The following KIF3A variants were observed in gnomAD, a reference collection of about 807,000 sequenced individuals.
KIF3A encodes kinesin family member 3A.
KIF3A carries 27 observed loss-of-function variants against 92.6 expected under a neutral mutation model. The observed-to-expected ratio is 0.29, with a 90% CI of 0.21 to 0.40. The LOEUF (loss-of-function observed/expected upper bound fraction) is 0.40, where lower values mean the gene tolerates loss of function less well. Among genes scored for constraint, KIF3A ranks in the 10% least tolerant of loss-of-function variants. The pLI is 1.00. For missense variants in KIF3A, 581 were observed against 872.6 expected, an observed-to-expected ratio of 0.67 and a Z score of 4.21; for synonymous variants, 250 against 275.4, an observed-to-expected ratio of 0.91 and a Z score of 0.92.
Position 132,706,447 on chromosome 5 carries a change from C to G in KIF3A, c.1309+4G>C. The G allele has an allele frequency of 6.5e-7, 1 of 1,541,548 alleles. No individual in the cohort carries two copies. Among genetic ancestry groups the G allele is most frequent in the Non-Finnish European group, 8.7e-7 (1 of 1,142,860 alleles). ...CATGTGGAGTGCAAATCAATCACACCAACCTGCTTGATCTTGCAATAAGAA... is the reference window on the plus strand; with the variant it reads ...CATGTGGAGTGCAAATCAATCACACGAACCTGCTTGATCTTGCAATAAGAA... On this transcript the variant is annotated splice_donor_region_variant and intron_variant, in intron 11 of 18. Coordinates refer to ENST00000403231, the MANE Select transcript of KIF3A (RefSeq NM_001300791.2).
intron 1 of KIF3A, chr5:132,736,868 AAACAT>A (rs1216735771): frequency 2.5e-6 from 1 of 400,222 alleles, no homozygotes. Context: ...CCTGGAAGAT[AAACAT>A]AACACCGCCA....
At position 132,712,167 on chromosome 5, in the gene KIF3A, C is replaced by T. The variant is rs150534045; in HGVS notation, c.1130-1110G>A. Among the ~76,000 whole-genome samples, 244 of 152,246 alleles carry T rather than the reference C, an allele frequency of 1.6e-3. 1 individual carries two copies. The highest frequency in any genetic ancestry group is 5.5e-3 in the African/African-American group (229 of 41,550). On this transcript the variant is annotated intron_variant, in intron 8 of 18. Coordinates refer to ENST00000403231, the MANE Select transcript of KIF3A (RefSeq NM_001300791.2). ...GACATCTTGGTAGTAATGAGCACAGCTAGTGCCCAAAACTGGGTTTCTAAA... is the reference window on the plus strand; with the variant it reads ...GACATCTTGGTAGTAATGAGCACAGTTAGTGCCCAAAACTGGGTTTCTAAA...
In KIF3A at chr5:132,711,001, C is replaced by T. The variant is rs766661252; in HGVS notation, c.1186G>A (p.Gly396Ser). The change falls in exon 9 of 19, where the codon GGT (glycine) becomes AGT (serine). Residue 396 changes from glycine (G) to serine (S), a missense_variant. Physicochemically the swap from Gly to Ser is moderately conservative, Grantham distance 56. Coordinates refer to ENST00000403231, the MANE Select transcript of KIF3A (RefSeq NM_001300791.2). ...SGSEEDDDEE[G>S]EVGEDGEKRK... ...TTCTCTCCATCTTCTCCAACCTCAC[C>T]CTCTTCATCATCATCTTCCTCTGAC... is the stretch of plus-strand genomic sequence containing the variant. The T allele has an allele frequency of 1.9e-5, 30 of 1,611,476 alleles. No homozygotes were observed. The South Asian group carries it at 2.3e-4, about 12-fold the overall frequency.
intron 5 of KIF3A, among the ~76,000 whole-genome samples, chr5:132,717,541 TAAGG>T (rs1753668854): frequency 1.3e-5 from 2 of 150,402 alleles, no homozygotes. Context: ...TTAAAAAAAA[TAAGG>T]TAGATCTAAA....
intron 8 of KIF3A, among the ~76,000 whole-genome samples, chr5:132,714,764 G>C (rs1264716931): frequency 6.6e-6 from 1 of 152,092 alleles, no homozygotes; most frequent in African/African-American, 2.4e-5. Context: ...ACTAACAATG[G>C]TTACAATGAT....
chr5:132,737,462 G>T lies in KIF3A; in HGVS notation c.-43C>A. Reference sequence around the variant, plus strand: ...CCCGGCGGACGTCCCCGCCCGGGGTGCAGCCCAGCGACACCGGGTGCGCAG... The same window carrying T: ...CCCGGCGGACGTCCCCGCCCGGGGTTCAGCCCAGCGACACCGGGTGCGCAG... On this transcript the variant is annotated 5_prime_UTR_variant, in exon 1 of 19. Transcript: ENST00000403231. The T allele has an allele frequency of 6.3e-7, 1 of 1,597,900 alleles. No homozygotes were observed. The highest frequency in any genetic ancestry group is 8.5e-7 in the Non-Finnish European group (1 of 1,172,958).
chr5:132,706,216 T>C (rs1254919859), intron 11 of KIF3A, among the ~76,000 whole-genome samples: 3 of 152,236 alleles, frequency 2.0e-5, no homozygotes, highest in South Asian at 2.1e-4. Flanking sequence ...TGTTTGAATG[T>C]GAAATAATTT....
chr5:132,694,051 T>C lies in KIF3A; in HGVS notation c.*2583A>G, dbSNP rs1321037478. On this transcript the variant is annotated 3_prime_UTR_variant, in exon 19 of 19. Coordinates refer to ENST00000403231, the MANE Select transcript of KIF3A (RefSeq NM_001300791.2). ...TGGTATTTCTGAGATGGATATTTAA[T>C]GTCCATCTGGTATAATCAGTTTTAA... 6.6e-6 allele frequency: 1 copy of C among 151,888 alleles called. No homozygotes were observed. The highest frequency in any genetic ancestry group is 1.5e-5 in the Non-Finnish European group (1 of 67,986). 9.4% of individuals were successfully genotyped at this position (151,888 alleles called of 1,614,324 possible).
downstream of KIF3A, among the ~76,000 whole-genome samples, chr5:132,688,908 C>T (rs1231460764): frequency 6.6e-6 from 1 of 152,038 alleles, no homozygotes; most frequent in African/African-American, 2.4e-5. Context: ...CTAAAATTTC[C>T]CCAGCCCTCT....
Position 132,717,123 on chromosome 5 carries a change from G to A in KIF3A, c.617-139C>T, listed in dbSNP as rs1394177867. On this transcript the variant is annotated intron_variant, in intron 5 of 18. Coordinates refer to ENST00000403231, the MANE Select transcript of KIF3A (RefSeq NM_001300791.2). Reference sequence around the variant, plus strand: ...GCATGGCTAAACCATAAAGGCATGGGTGTGTACTTAGCCACTACATGAAAT... The same window carrying A: ...GCATGGCTAAACCATAAAGGCATGGATGTGTACTTAGCCACTACATGAAAT... The A allele has an allele frequency of 4.1e-5, 29 of 709,202 alleles. 1 individual carries two copies. Among genetic ancestry groups the A allele is most frequent in the Non-Finnish European group, 5.5e-5 (24 of 440,038 alleles). 43.9% of individuals were successfully genotyped at this position (709,202 alleles called of 1,614,324 possible).
Position 132,720,226 on chromosome 5 carries a change from T to G in KIF3A, c.616+383A>C, listed in dbSNP as rs148371543. Among the ~76,000 whole-genome samples, 243 of 152,342 alleles carry G rather than the reference T, an allele frequency of 1.6e-3. 1 individual carries two copies. Among genetic ancestry groups the G allele is most frequent in the African/African-American group, 5.5e-3 (229 of 41,574 alleles). ...CTTAAACTAAGTCTCACTTTCTTCA[T>G]TCATAAAGTAAGAATTTAATGTCTT... On this transcript the variant is annotated intron_variant, in intron 5 of 18. Coordinates refer to ENST00000403231, the MANE Select transcript of KIF3A (RefSeq NM_001300791.2).
chr5:132,700,726 A>AT (rs762923446), intron 15 of KIF3A, 26 bp from the exon 16 acceptor site: 23 of 1,419,986 alleles, frequency 1.6e-5, no homozygotes, highest in Admixed American at 6.9e-5. Context: ...AAGATAGCCT[A>AT]TTTTTAATAT....
downstream of KIF3A, chr5:132,689,530 CTT>C (rs1752613951): frequency 6.6e-6 from 1 of 152,184 alleles, no homozygotes; most frequent in Non-Finnish European, 1.5e-5. Context: ...TTACTTCACT[CTT>C]TTTATATATG....
chr5:132,700,078 T>G, intron 17 of KIF3A, 138 bp downstream of exon 17: 1 of 610,430 alleles, frequency 1.6e-6, no homozygotes, highest in Non-Finnish European at 2.9e-6. Flanking sequence ...GAGCCTTTAT[T>G]CCCAAAAGTA....
chr5:132,700,301 G>A lies in KIF3A; in HGVS notation c.1939-17C>T. ...AACACATTTCTCAAAAAAAGAAAAG[G>A]GAGAGACAGAGAAATGTCTTAATTA... On this transcript the variant is annotated splice_polypyrimidine_tract_variant and intron_variant, in intron 16 of 18. Coordinates refer to ENST00000403231, the MANE Select transcript of KIF3A (RefSeq NM_001300791.2). 1 of 1,510,724 alleles carries A rather than the reference G, an allele frequency of 6.6e-7. No individual in the cohort carries two copies. The highest frequency in any genetic ancestry group is 9.1e-7 in the Non-Finnish European group (1 of 1,097,216). 93.6% of individuals were successfully genotyped at this position (1,510,724 alleles called of 1,614,324 possible).
chr5:132,700,461 C>T (rs1752994711), intron 16 of KIF3A, 177 bp from the exon 17 acceptor site: 5 of 648,610 alleles, frequency 7.7e-6, no homozygotes, highest in South Asian at 3.9e-5. Context: ...TGACCATTTC[C>T]ACCCAGACCA....
At chr5:132,714,863 G>A (rs1753563415) in intron 8 of KIF3A, among the ~76,000 whole-genome samples, 1 of 152,132 alleles carries the variant, frequency 6.6e-6, no homozygotes, top group African/African-American at 2.4e-5. Flanking sequence ...CGTTAACATC[G>A]CTAAGAAATT....
chr5:132,728,019 AACTG>A (rs1264256073), intron 2 of KIF3A, among the ~76,000 whole-genome samples: 16 of 152,304 alleles, frequency 1.1e-4, no homozygotes, highest in South Asian at 2.1e-4. Flanking sequence ...AATTTTTTCA[AACTG>A]ACTAAGTATT....
intron 5 of KIF3A, among the ~76,000 whole-genome samples, chr5:132,719,498 C>T (rs1183673521): frequency 6.6e-6 from 1 of 151,540 alleles, no homozygotes; most frequent in African/African-American, 2.4e-5. Flanking sequence ...CCTCTAATCC[C>T]TCTTTTTTTC....
Sources: gnomAD v4.1 joint callset for allele counts (sites outside exome capture counted in the v4.1 genomes callset) on GRCh38, gnomAD v4.1.1 for gene constraint, MANE v1.5 for transcripts, NCBI Gene and HGNC (gene_info 2026-07-23, HGNC 2026-07-21) for gene names.